PHF24: variants seen among roughly 807,000 people sequenced by gnomAD.
PHF24 encodes PHD finger protein 24.
In PHF24, 25 loss-of-function variants were observed where a neutral mutation model predicts 42.6. That is an observed-to-expected ratio of 0.59 (90% CI 0.43 to 0.82). The LOEUF is 0.82. Ranked by LOEUF, PHF24 falls within the 40% of genes least tolerant of loss-of-function variation. The pLI is 0.00. For missense variants in PHF24, 470 were observed against 538.1 expected (o/e 0.87, Z 1.25); for synonymous variants, 185 against 204.8 (o/e 0.90, Z 0.83).
chr9:34,702,811 A>G, the PHF24 span, among the ~76,000 whole-genome samples: 5 of 152,200 alleles, frequency 3.3e-5, no homozygotes, highest in African/African-American at 1.2e-4. Context: ...CCCTGTCTCA[A>G]AAAAAGAATT....
chr9:34,735,664 TG>T, the PHF24 span, among the ~76,000 whole-genome samples: 5,324 of 151,660 alleles, frequency 0.035, 301 homozygotes, highest in African/African-American at 0.12. Flanking sequence ...CTGGGCGCGG[TG>T]GCAGATGCCT....
the PHF24 span, among the ~76,000 whole-genome samples, chr9:34,936,351 G>T: frequency 6.6e-6 from 1 of 152,236 alleles, no homozygotes; most frequent in Non-Finnish European, 1.5e-5. Context: ...GATTGCAGAC[G>T]GAGTCTCGTT....
chr9:34,892,404 T>A, the PHF24 span, among the ~76,000 whole-genome samples: 1 of 152,196 alleles, frequency 6.6e-6, no homozygotes, highest in East Asian at 1.9e-4. Flanking sequence ...TTTGTCTGTC[T>A]GTTTTCCATC....
the PHF24 span, among the ~76,000 whole-genome samples, chr9:34,822,526 C>T: frequency 6.6e-6 from 1 of 152,096 alleles, no homozygotes; most frequent in African/African-American, 2.4e-5. Flanking sequence ...AGATTCTATA[C>T]CCATTAGCAG....
chr9:34,727,627 T>C, the PHF24 span, among the ~76,000 whole-genome samples: 1 of 152,250 alleles, frequency 6.6e-6, no homozygotes, highest in South Asian at 2.1e-4. Context: ...TCAGGTATTT[T>C]CCCTTGAAAG....
the PHF24 span, among the ~76,000 whole-genome samples, chr9:34,865,597 A>AT: frequency 6.6e-6 from 1 of 151,922 alleles, no homozygotes; most frequent in Non-Finnish European, 1.5e-5. Flanking sequence ...ATAATAAAAA[A>AT]AATAAATGAA....
At chr9:34,727,888 C>T in the PHF24 span, 6 of 776,078 alleles carry the variant, frequency 7.7e-6, 1 homozygote, top group South Asian at 5.7e-5. Flanking sequence ...ACCCTCTCAC[C>T]CAGTGTCCCT....
At chr9:34,666,964 A>G in the PHF24 span, among the ~76,000 whole-genome samples, 35 of 152,284 alleles carry the variant, frequency 2.3e-4, no homozygotes, top group Middle Eastern at 3.4e-3. Context: ...AAAACAAAAC[A>G]ACCAACAAAC....
chr9:34,784,781 T>G, the PHF24 span, among the ~76,000 whole-genome samples: 1 of 152,198 alleles, frequency 6.6e-6, no homozygotes, highest in Non-Finnish European at 1.5e-5. Context: ...TTTCTTAGTT[T>G]CAAGATAGTG....
chr9:34,858,526 C>T, the PHF24 span, among the ~76,000 whole-genome samples: 1 of 152,154 alleles, frequency 6.6e-6, no homozygotes, highest in Non-Finnish European at 1.5e-5. Context: ...CATGTGGCTG[C>T]AGGGGCCAGC....
the PHF24 span, chr9:34,832,675 T>C: frequency 5.2e-6 from 8 of 1,541,028 alleles, no homozygotes; most frequent in Non-Finnish European, 7.0e-6. Context: ...TTTCTGAAGC[T>C]AGACTCTGTA....
At chr9:34,819,937 A>G in the PHF24 span, among the ~76,000 whole-genome samples, 1 of 152,144 alleles carries the variant, frequency 6.6e-6, no homozygotes, top group Non-Finnish European at 1.5e-5. Context: ...TTGCAATTCT[A>G]TCAGGTTTTG....
the PHF24 span, among the ~76,000 whole-genome samples, chr9:34,672,311 A>G: frequency 6.6e-5 from 10 of 152,150 alleles, no homozygotes; most frequent in African/African-American, 9.7e-5. Flanking sequence ...AGAGCTTTCT[A>G]TGAGATTTGA....
chr9:34,915,412 T>A, the PHF24 span, among the ~76,000 whole-genome samples: 102 of 152,112 alleles, frequency 6.7e-4, 2 homozygotes, highest in African/African-American at 2.3e-3. Context: ...TTGGCCTTTT[T>A]TTTTTTTCAT....
the PHF24 span, among the ~76,000 whole-genome samples, chr9:34,757,432 G>C: frequency 4.3e-4 from 66 of 152,266 alleles, no homozygotes; most frequent in Admixed American, 1.1e-3. Flanking sequence ...GCAGGGTATA[G>C]TTTGGGGTTT....
At chr9:34,855,517 T>G in the PHF24 span, among the ~76,000 whole-genome samples, 1 of 152,224 alleles carries the variant, frequency 6.6e-6, no homozygotes, top group Non-Finnish European at 1.5e-5. Context: ...AGGATCTTAT[T>G]TCTCCTTTGC....
chr9:34,683,938 G>T, the PHF24 span, among the ~76,000 whole-genome samples: 1 of 152,164 alleles, frequency 6.6e-6, no homozygotes, highest in African/African-American at 2.4e-5. Flanking sequence ...GCCTTTTGGT[G>T]GTGCCACCAT....
chr9:34,746,308 T>C, the PHF24 span, among the ~76,000 whole-genome samples: 1 of 152,222 alleles, frequency 6.6e-6, no homozygotes, highest in Non-Finnish European at 1.5e-5. Flanking sequence ...CCAGTGCCTC[T>C]AGCTTAGCTA....
intron 6 of PHF24, 96 bp from the exon 7 acceptor site, chr9:34,977,450 G>C (rs1229318227): frequency 7.5e-7 from 1 of 1,337,006 alleles, no homozygotes; most frequent in South Asian, 1.3e-5. Flanking sequence ...AGAAGAGCCT[G>C]GATGAGCATG....
Sources: allele counts gnomAD v4.1 joint callset (sites outside exome capture counted in the v4.1 genomes callset), GRCh38; gene constraint gnomAD v4.1.1; transcripts MANE v1.5; gene names NCBI Gene and HGNC (gene_info 2026-07-23, HGNC 2026-07-21).